ROR2: variants seen among roughly 807,000 people sequenced by gnomAD.
The protein encoded by ROR2 is ROR family WNT receptor 2, also known as tyrosine-protein kinase transmembrane receptor ROR2.
In ROR2, 33 loss-of-function variants were observed where a neutral mutation model predicts 74.9. The ratio of observed to expected loss-of-function variants is 0.44; its 90% confidence interval spans 0.33 to 0.59. The LOEUF (loss-of-function observed/expected upper bound fraction) is 0.59. ROR2 is among the 20% of genes least tolerant of loss of function. ROR2 has a pLI of 0.02. For missense variants in ROR2, 1,216 were observed against 1,313.8 expected, an observed-to-expected ratio of 0.93 and a Z score of 1.15; for synonymous variants, 586 against 558.7, an observed-to-expected ratio of 1.05 and a Z score of -0.69.
chr9:91,914,750 G>A (rs934569030), intron 1 of ROR2, among the ~76,000 whole-genome samples: 1 of 152,132 alleles, frequency 6.6e-6, no homozygotes, highest in Admixed American at 6.5e-5. Flanking sequence ...TGATTGCCAC[G>A]GCAGGTGTAG....
Position 91,804,562 on chromosome 9 carries a change from C to T in ROR2, c.98-28744G>A, listed in dbSNP as rs994837519. Among the ~76,000 whole-genome samples, 5 of 152,238 alleles carry T rather than the reference C, an allele frequency of 3.3e-5. No homozygotes were observed. The South Asian group carries it at 8.3e-4, about 25-fold the overall frequency. Reference sequence around the variant, plus strand: ...AGAGAAAGGCGGCTCACATGGGCCACGCTTTAGCCAGGGTGGCAGAGCGTC... The same window carrying T: ...AGAGAAAGGCGGCTCACATGGGCCATGCTTTAGCCAGGGTGGCAGAGCGTC... On this transcript the variant is annotated intron_variant, in intron 1 of 8. Coordinates refer to ENST00000375708, the MANE Select transcript of ROR2 (RefSeq NM_004560.4).
intron 1 of ROR2, among the ~76,000 whole-genome samples, chr9:91,914,334 G>C (rs1185041028): frequency 6.6e-6 from 1 of 152,150 alleles, no homozygotes; most frequent in Non-Finnish European, 1.5e-5. Context: ...TCGAACACTA[G>C]AATGAAACTA....
chr9:91,742,375 T>C (rs4744095), intron 4 of ROR2, among the ~76,000 whole-genome samples: 106,111 of 152,064 alleles, frequency 0.7, 37,124 homozygotes, highest in African/African-American at 0.72. Flanking sequence ...AGTTGAGATT[T>C]GGGTGGGGAC....
Position 91,724,345 on chromosome 9 carries a change from A to G in ROR2, c.2149T>C (p.Cys717Arg). 2 of 1,613,572 alleles carry G rather than the reference A, an allele frequency of 1.2e-6. No individual in the cohort carries two copies. Among genetic ancestry groups the G allele is most frequent in the Non-Finnish European group, 1.7e-6 (2 of 1,180,006 alleles). Residue 717 changes from cysteine to arginine, a missense_variant, in exon 9 of 9, where the codon TGT becomes CGT. By Grantham distance (180) the Cys-to-Arg change is radical (BLOSUM62 -3). Coordinates refer to ENST00000375708, the MANE Select transcript of ROR2 (RefSeq NM_004560.4). ...ATGAGGGCATACACCCAGGCGGGAC[A>G]GTCATCGGGGCAAGGCAGCACCTGC... ...NRQVLPCPDD[C>R]PAWVYALMIE...
At position 91,903,806 on chromosome 9, in the gene ROR2, G is replaced by A. The variant is rs542836880; in HGVS notation, c.97+46061C>T. ...CATAAAAATACCTCAGACTGGGGTC[G>A]TGGAGAGAGTCCACGGCAATAAAAT... On this transcript the variant is annotated intron_variant, in intron 1 of 8. Transcript: ENST00000375708. 3.9e-5 allele frequency among the ~76,000 whole-genome samples: 6 copies of A among 152,282 alleles called. No individual in the cohort carries two copies. The East Asian group carries it at 7.7e-4, about 20-fold the overall frequency.
chr9:91,800,587 G>A (rs1005919777), intron 1 of ROR2, among the ~76,000 whole-genome samples: 15 of 152,130 alleles, frequency 9.9e-5, no homozygotes, highest in African/African-American at 3.4e-4. Flanking sequence ...GAGTTACTGA[G>A]CTTACTGTAT....
chr9:91,892,071 A>C (rs949431315), intron 1 of ROR2, among the ~76,000 whole-genome samples: 1 of 149,356 alleles, frequency 6.7e-6, no homozygotes, highest in Non-Finnish European at 1.5e-5. Context: ...AAAAAAAAAA[A>C]GCCAGCACAG....
chr9:91,871,270 T>C (rs996289188), intron 1 of ROR2, among the ~76,000 whole-genome samples: 24 of 152,242 alleles, frequency 1.6e-4, no homozygotes, highest in Non-Finnish European at 3.2e-4. Flanking sequence ...TCACTGTGTG[T>C]GTTTGTCTTC....
At chr9:91,731,721 C>G (rs1330664308) in intron 6 of ROR2, among the ~76,000 whole-genome samples, 1 of 152,110 alleles carries the variant, frequency 6.6e-6, no homozygotes, top group Non-Finnish European at 1.5e-5. Flanking sequence ...TCAAGACCAG[C>G]CTGGCCAACA....
chr9:91,722,663 T>C lies in ROR2; in HGVS notation c.*999A>G. ...ATTTACAAATAGGACCAACAATGTG[T>C]GCGGGGCACAGACGGCTGCCTGTGG... On this transcript the variant is annotated 3_prime_UTR_variant, in exon 9 of 9. Transcript: ENST00000375708. 4 of 778,386 alleles carry C rather than the reference T, an allele frequency of 5.1e-6. No homozygotes were observed. Among genetic ancestry groups the C allele is most frequent in the Non-Finnish European group, 7.2e-6 (3 of 417,180 alleles). 48.2% of individuals were successfully genotyped at this position (778,386 alleles called of 1,614,324 possible). A position where few individuals can be genotyped will look rare whatever the true frequency, so the allele number is the denominator to read the frequency against.
At chr9:91,858,904 G>C (rs77300151) in intron 1 of ROR2, among the ~76,000 whole-genome samples, 6,224 of 152,244 alleles carry the variant, frequency 0.041, 182 homozygotes, top group East Asian at 0.098. Flanking sequence ...GGACAGAAGA[G>C]GAATCAGAGC....
Position 91,724,883 on chromosome 9 carries a change from G to A in ROR2, c.1611C>T (p.Val537=). The part of the protein sequence containing the change: ...LRARLQHPNV[V]CLLGVVTKDQ... ...CCTTGGTCACCACGCCCAGCAGGCA[G>A]ACGACGTTGGGGTGTTGCAGCCGTG... is the stretch of plus-strand genomic sequence containing the variant. Residue 537 remains valine, a synonymous_variant, in exon 9 of 9, where the codon GTC becomes GTT. Transcript: ENST00000375708. The A allele has an allele frequency of 6.2e-7, 1 of 1,604,078 alleles. No homozygotes were observed. The highest frequency in any genetic ancestry group is 8.5e-7 in the Non-Finnish European group (1 of 1,173,188).
In ROR2 at chr9:91,884,818, A is replaced by G. The variant is rs188929057; in HGVS notation, c.97+65049T>C. ...GAATGTCAGGATATAATCTGGATAC[A>G]TATTAACATGCACAGAACTGAGTCC... On this transcript the variant is annotated intron_variant, in intron 1 of 8. Coordinates refer to ENST00000375708, the MANE Select transcript of ROR2 (RefSeq NM_004560.4). Among the ~76,000 whole-genome samples, 3 of 152,100 alleles carry G rather than the reference A, an allele frequency of 2.0e-5. No individual in the cohort carries two copies. The East Asian group carries it at 5.8e-4, about 29-fold the overall frequency.
chr9:91,935,217 T>C (rs986357370), intron 1 of ROR2, among the ~76,000 whole-genome samples: 13 of 152,322 alleles, frequency 8.5e-5, no homozygotes, highest in Non-Finnish European at 1.3e-4. Context: ...GCACTCAACA[T>C]GACTTGGCTG....
At chr9:91,790,227 C>A (rs1021359072) in intron 1 of ROR2, among the ~76,000 whole-genome samples, 1 of 152,036 alleles carries the variant, frequency 6.6e-6, no homozygotes, top group African/African-American at 2.4e-5. Context: ...ACAGGCCGGG[C>A]ACAGTGGCTC....
intron 1 of ROR2, among the ~76,000 whole-genome samples, chr9:91,888,655 C>A (rs1169288324): frequency 6.6e-6 from 1 of 152,164 alleles, no homozygotes; most frequent in Admixed American, 6.5e-5. Flanking sequence ...AGAGGGTGAT[C>A]GAGGCCACAC....
chr9:91,763,261 C>T (rs1825968559), intron 2 of ROR2, among the ~76,000 whole-genome samples: 1 of 152,100 alleles, frequency 6.6e-6, no homozygotes. Context: ...ATCTGTACAC[C>T]AAACCCCCAC....
intron 1 of ROR2, chr9:91,886,961 C>T (rs1439406805): frequency 6.6e-6 from 1 of 152,142 alleles, no homozygotes; most frequent in Non-Finnish European, 1.5e-5. Flanking sequence ...GTCTTTTATC[C>T]AGGACTGTCG....
chr9:91,767,909 T>C (rs1366286433), intron 2 of ROR2, among the ~76,000 whole-genome samples: 3 of 152,192 alleles, frequency 2.0e-5, no homozygotes, highest in African/African-American at 7.2e-5. Flanking sequence ...CCGCAACCCG[T>C]GAGTGTAACT....
Sources: gnomAD v4.1 joint callset for allele counts (sites outside exome capture counted in the v4.1 genomes callset) on GRCh38, gnomAD v4.1.1 for gene constraint, MANE v1.5 for transcripts, NCBI Gene and HGNC (gene_info 2026-07-23, HGNC 2026-07-21) for gene names.